Variants in TBC1D5 observed in about 807,000 individuals in gnomAD.
TBC1D5 encodes the protein TBC1 domain family, member 5.
Under a neutral mutation model 100.3 loss-of-function variants are expected in TBC1D5, and 75 were observed. That is an observed-to-expected ratio of 0.75 (90% CI 0.62 to 0.91). The LOEUF is 0.91. Among genes scored for constraint, TBC1D5 ranks in the 40% least tolerant of loss-of-function variants. TBC1D5 has a pLI of 0.00. For missense variants in TBC1D5, 910 were observed against 942.4 expected (o/e 0.97, Z 0.45); for synonymous variants, 323 against 325.6 (o/e 0.99, Z 0.09).
At chr3:17,580,615 T>C (rs2096687887) in intron 2 of TBC1D5, among the ~76,000 whole-genome samples, 1 of 152,126 alleles carries the variant, frequency 6.6e-6, no homozygotes, top group Non-Finnish European at 1.5e-5. Context: ...TCCTCTCTAT[T>C]GGAGCACTCC....
intron 2 of TBC1D5, among the ~76,000 whole-genome samples, chr3:17,605,111 C>G (rs1446844294): frequency 6.6e-6 from 1 of 152,248 alleles, no homozygotes; most frequent in African/African-American, 2.4e-5. Flanking sequence ...AAAACCTCCT[C>G]TTCACAAAGC....
rs1385175214 is a variant in TBC1D5 at position 17,566,061 on chromosome 3, C to A, written c.-35-57456G>T. On this transcript the variant is annotated intron_variant, in intron 2 of 21. Transcript: ENST00000253692. ...CTCATTCAGTAGAGAAAAAAAATCA[C>A]TTAGTTCTTTCCTGAACAAATCAAA... is the stretch of plus-strand genomic sequence containing the variant. Among the ~76,000 whole-genome samples, 3 of 151,952 alleles carry A rather than the reference C, an allele frequency of 2.0e-5. No homozygotes were observed. The East Asian group carries it at 5.8e-4, about 29-fold the overall frequency.
intron 15 of TBC1D5, among the ~76,000 whole-genome samples, chr3:17,269,741 G>A (rs1256412276): frequency 6.6e-6 from 1 of 151,082 alleles, no homozygotes; most frequent in Non-Finnish European, 1.5e-5. Flanking sequence ...GTGAGAACAT[G>A]TGATAATTTG....
chr3:17,268,868 T>C (rs1410405089), intron 15 of TBC1D5, among the ~76,000 whole-genome samples: 1 of 152,164 alleles, frequency 6.6e-6, no homozygotes, highest in Non-Finnish European at 1.5e-5. Flanking sequence ...AGCTTTCCTC[T>C]TGGGAAGGTT....
At chr3:17,673,110 G>A (rs2068149040) in intron 1 of TBC1D5, among the ~76,000 whole-genome samples, 1 of 152,086 alleles carries the variant, frequency 6.6e-6, no homozygotes, top group East Asian at 1.9e-4. Context: ...TTTCAGTTAG[G>A]TAACCTTTAA....
chr3:17,326,786 T>A (rs2086208621), intron 13 of TBC1D5, among the ~76,000 whole-genome samples: 1 of 152,192 alleles, frequency 6.6e-6, no homozygotes, highest in Admixed American at 6.5e-5. Context: ...TACTTAGATA[T>A]TAAAGAGTCA....
chr3:17,431,292 C>T (rs149393182), intron 3 of TBC1D5, among the ~76,000 whole-genome samples: 1 of 151,876 alleles, frequency 6.6e-6, no homozygotes, highest in Non-Finnish European at 1.5e-5. Context: ...TAATCTTACA[C>T]AAAGACTATT....
chr3:17,334,866 T>C (rs1446560110), intron 13 of TBC1D5, among the ~76,000 whole-genome samples: 1 of 152,148 alleles, frequency 6.6e-6, no homozygotes, highest in Non-Finnish European at 1.5e-5. Flanking sequence ...TCCAAAGTAA[T>C]CTGACTTTCT....
At chr3:17,686,292 G>C (rs2153819175) in intron 1 of TBC1D5, among the ~76,000 whole-genome samples, 1 of 152,080 alleles carries the variant, frequency 6.6e-6, no homozygotes, top group East Asian at 1.9e-4. Context: ...ATTTAACAAA[G>C]GTTTTATCTA....
chr3:17,363,096 ATTTATTATTTC>A (rs1256552299), intron 13 of TBC1D5, among the ~76,000 whole-genome samples: 1 of 152,142 alleles, frequency 6.6e-6, no homozygotes, highest in Non-Finnish European at 1.5e-5. Flanking sequence ...TTTAACTCAT[ATTTATTATTTC>A]CTGCCTTCTA....
At chr3:17,265,850 CTTAT>C in intron 15 of TBC1D5, among the ~76,000 whole-genome samples, 1 of 150,724 alleles carries the variant, frequency 6.6e-6, no homozygotes, top group Admixed American at 6.6e-5. Context: ...TTTTTCTCTT[CTTAT>C]AGTTTTATAG....
At chr3:17,160,733 A>T (rs1484455825) in exon 22 of TBC1D5, 9 of 530,454 alleles carry the variant, frequency 1.7e-5, no homozygotes, top group Non-Finnish European at 3.0e-5. Flanking sequence ...TCGGGTGGGG[A>T]TTAGGTAAGG....
chr3:17,706,350 A>T, intron 1 of TBC1D5: 1 of 1,277,418 alleles, frequency 7.8e-7, no homozygotes, highest in Non-Finnish European at 1.1e-6. Flanking sequence ...CACATATTTT[A>T]TATTTGAAGG....
chr3:17,517,040 A>G (rs1384356810), intron 2 of TBC1D5, among the ~76,000 whole-genome samples: 1 of 152,212 alleles, frequency 6.6e-6, no homozygotes, highest in Non-Finnish European at 1.5e-5. Flanking sequence ...TTCCTGGAAT[A>G]TATCTAATCC....
chr3:17,243,457 C>T (rs2076469752), intron 16 of TBC1D5, among the ~76,000 whole-genome samples: 1 of 151,810 alleles, frequency 6.6e-6, no homozygotes, highest in Admixed American at 6.6e-5. Flanking sequence ...ATATTGTATA[C>T]ATGTATGATA....
At chr3:17,656,521 A>G (rs1451169229) in intron 1 of TBC1D5, among the ~76,000 whole-genome samples, 2 of 152,160 alleles carry the variant, frequency 1.3e-5, no homozygotes, top group Non-Finnish European at 1.5e-5. Flanking sequence ...ACTTCCTATA[A>G]TCTTAAAACC....
intron 13 of TBC1D5, among the ~76,000 whole-genome samples, chr3:17,310,380 G>A (rs2083882936): frequency 1.3e-5 from 2 of 152,020 alleles, no homozygotes; most frequent in African/African-American, 4.8e-5. Flanking sequence ...TCTACAATGT[G>A]CTGCTTTATA....
chr3:17,719,803 C>A (rs577657799), intron 1 of TBC1D5, among the ~76,000 whole-genome samples: 88 of 152,084 alleles, frequency 5.8e-4, no homozygotes, highest in Non-Finnish European at 1.2e-3. Flanking sequence ...TATAAACAAC[C>A]AAAGCTCAAA....
chr3:17,372,173 A>G (rs2092496923), exon 13 of TBC1D5: 1 of 1,613,876 alleles, frequency 6.2e-7, no homozygotes, highest in Non-Finnish European at 8.5e-7. Context: ...GGTTGACTTT[A>G]GTAACAATAG....
Sources: allele counts gnomAD v4.1 joint callset (sites outside exome capture counted in the v4.1 genomes callset), GRCh38; gene constraint gnomAD v4.1.1; transcripts MANE v1.5; gene names NCBI Gene and HGNC (gene_info 2026-07-23, HGNC 2026-07-21).